Variants in CDH13 observed in about 807,000 individuals in gnomAD.
CDH13 encodes cadherin-13.
Under a neutral mutation model 63.8 loss-of-function variants are expected in CDH13, and 24 were observed. The observed-to-expected ratio is 0.38, with a 90% confidence interval of 0.27 to 0.53. The LOEUF is 0.53. CDH13 is among the 20% of genes least tolerant of loss of function. The probability of loss-of-function intolerance (pLI) is 0.85; values close to 1 mark genes in which losing one functional copy is unlikely to be tolerated. For missense variants in CDH13, 1,049 were observed against 903.1 expected (o/e 1.16, Z -2.07); for synonymous variants, 503 against 355.3 (o/e 1.42, Z -4.67).
intron 1 of CDH13, among the ~76,000 whole-genome samples, chr16:82,696,365 GT>G (rs1280745557): frequency 2.0e-5 from 3 of 152,148 alleles, no homozygotes; most frequent in African/African-American, 7.2e-5. Flanking sequence ...GTCAATGTAA[GT>G]TAATCAGAAA....
At chr16:82,981,154 A>C (rs755665280) in intron 2 of CDH13, among the ~76,000 whole-genome samples, 76 of 152,200 alleles carry the variant, frequency 5.0e-4, no homozygotes, top group Non-Finnish European at 9.6e-4. Flanking sequence ...ACTTTCACTT[A>C]GTGATTAAAA....
chr16:82,950,037 GTC>G (rs1170902214), intron 2 of CDH13, among the ~76,000 whole-genome samples: 2 of 152,124 alleles, frequency 1.3e-5, no homozygotes, highest in African/African-American at 4.8e-5. Context: ...GTTGAGGTGT[GTC>G]TTAGTTCACT....
intron 3 of CDH13, among the ~76,000 whole-genome samples, chr16:83,101,050 A>C (rs1015536334): frequency 6.6e-6 from 1 of 152,164 alleles, no homozygotes; most frequent in African/African-American, 2.4e-5. Context: ...TTATTTGTCA[A>C]ATATTGATTG....
chr16:83,172,241 AG>A (rs1385926096), intron 4 of CDH13, among the ~76,000 whole-genome samples: 2 of 152,174 alleles, frequency 1.3e-5, no homozygotes, highest in African/African-American at 4.8e-5. Context: ...CTGTAATCCC[AG>A]CACTTTGGGA....
chr16:83,160,334 C>T (rs1042205763), intron 4 of CDH13, among the ~76,000 whole-genome samples: 4 of 151,916 alleles, frequency 2.6e-5, no homozygotes, highest in African/African-American at 9.7e-5. Flanking sequence ...TTATTATAAA[C>T]CTGAAACTGC....
rs367719891 is a variant in CDH13 at position 83,543,534 on chromosome 16, G to A, written c.960+56879G>A. 1.3e-4 allele frequency among the ~76,000 whole-genome samples: 20 copies of A among 152,332 alleles called. No individual in the cohort carries two copies. The East Asian group carries it at 2.9e-3, about 22-fold the overall frequency. On this transcript the variant is annotated intron_variant, in intron 7 of 13. Coordinates refer to ENST00000567109, the MANE Select transcript of CDH13 (RefSeq NM_001257.5). ...AAGTGCTGTGATCTACTCCAGTAAA[G>A]GAGATCTCTTTCTTTGAATCCCAGC... is the stretch of plus-strand genomic sequence containing the variant.
intron 6 of CDH13, among the ~76,000 whole-genome samples, chr16:83,411,991 T>G (rs2092134182): frequency 2.0e-5 from 3 of 152,196 alleles, no homozygotes; most frequent in Admixed American, 6.5e-5. Flanking sequence ...ATTGTGCTAC[T>G]GACAGTGTGC....
intron 6 of CDH13, among the ~76,000 whole-genome samples, chr16:83,373,532 G>A (rs757602356): frequency 1.3e-5 from 2 of 152,134 alleles, no homozygotes; most frequent in Non-Finnish European, 2.9e-5. Flanking sequence ...GTGTGACTTG[G>A]GCATAGGCTA....
intron 7 of CDH13, among the ~76,000 whole-genome samples, chr16:83,528,428 G>C (rs2075010022): frequency 1.3e-5 from 2 of 152,144 alleles, no homozygotes; most frequent in African/African-American, 4.8e-5. Context: ...GTCTGGATGG[G>C]CTGGTTACCC....
At chr16:82,740,301 T>G (rs900573090) in intron 1 of CDH13, among the ~76,000 whole-genome samples, 8 of 152,220 alleles carry the variant, frequency 5.3e-5, no homozygotes, top group Non-Finnish European at 1.2e-4. Context: ...CAACTTCCAG[T>G]TGATGAGATG....
intron 10 of CDH13, among the ~76,000 whole-genome samples, chr16:83,683,842 A>T (rs541852631): frequency 3.2e-3 from 490 of 152,258 alleles, no homozygotes; most frequent in South Asian, 6.6e-3. Flanking sequence ...ATTTTCCATC[A>T]TTTCTAAATT....
At chr16:82,813,411 C>CCT (rs1375992180) in intron 1 of CDH13, among the ~76,000 whole-genome samples, 3 of 152,154 alleles carry the variant, frequency 2.0e-5, no homozygotes, top group Non-Finnish European at 4.4e-5. Context: ...GCATGACTCT[C>CCT]AAGATGCAGA....
intron 9 of CDH13, among the ~76,000 whole-genome samples, chr16:83,676,207 A>G (rs891785901): frequency 1.3e-5 from 2 of 152,180 alleles, no homozygotes; most frequent in East Asian, 1.9e-4. Context: ...TTGTCAGCAG[A>G]TGGCTGGATT....
intron 3 of CDH13, among the ~76,000 whole-genome samples, chr16:83,051,725 C>A (rs2030357277): frequency 6.6e-6 from 1 of 152,180 alleles, no homozygotes; most frequent in Non-Finnish European, 1.5e-5. Flanking sequence ...CAGATCTGAA[C>A]CTCCTGCTAC....
At chr16:82,927,384 C>A (rs1231675643) in intron 2 of CDH13, among the ~76,000 whole-genome samples, 3 of 152,068 alleles carry the variant, frequency 2.0e-5, no homozygotes, top group African/African-American at 4.8e-5. Context: ...ATTCAGTCTC[C>A]CATACAGAAT....
At chr16:83,448,672 C>A (rs1046395825) in intron 6 of CDH13, among the ~76,000 whole-genome samples, 2 of 152,064 alleles carry the variant, frequency 1.3e-5, no homozygotes, top group Non-Finnish European at 2.9e-5. Context: ...GTCAATTTTT[C>A]CAGGGAAAAG....
At chr16:82,926,290 A>G (rs1056645063) in intron 2 of CDH13, among the ~76,000 whole-genome samples, 9 of 152,130 alleles carry the variant, frequency 5.9e-5, no homozygotes, top group Admixed American at 1.3e-4. Flanking sequence ...TTTCCAAAAA[A>G]AAAAAAGAAA....
At chr16:83,275,457 G>C (rs887383353) in intron 5 of CDH13, among the ~76,000 whole-genome samples, 1 of 152,178 alleles carries the variant, frequency 6.6e-6, no homozygotes, top group Admixed American at 6.5e-5. Flanking sequence ...AAAGAAGACA[G>C]CACTGACATT....
intron 1 of CDH13, among the ~76,000 whole-genome samples, chr16:82,858,062 G>T (rs1479568515): frequency 6.6e-6 from 1 of 152,200 alleles, no homozygotes; most frequent in Non-Finnish European, 1.5e-5. Flanking sequence ...GACAGTTTCT[G>T]TAATAAAATT....
Sources: gnomAD v4.1 joint callset for allele counts (sites outside exome capture counted in the v4.1 genomes callset) on GRCh38, gnomAD v4.1.1 for gene constraint, MANE v1.5 for transcripts, NCBI Gene and HGNC (gene_info 2026-07-23, HGNC 2026-07-21) for gene names.